ATP8B4: variants seen among roughly 807,000 people sequenced by gnomAD.
The protein encoded by ATP8B4 is probable phospholipid-transporting ATPase IM.
A neutral mutation model predicts 145.6 loss-of-function variants in ATP8B4; 133 were observed. That is an observed-to-expected ratio of 0.91 (90% CI 0.79 to 1.05). The LOEUF (loss-of-function observed/expected upper bound fraction) is 1.05. Ranked by LOEUF, ATP8B4 falls within the 50% of genes least tolerant of loss-of-function variation. The probability of loss-of-function intolerance (pLI) is 0.00; values close to 1 mark genes in which losing one functional copy is unlikely to be tolerated. For missense variants in ATP8B4, 1,458 were observed against 1,425.2 expected, an observed-to-expected ratio of 1.02 and a Z score of -0.37; for synonymous variants, 507 against 492.9, an observed-to-expected ratio of 1.03 and a Z score of -0.38.
chr15:50,060,465 TC>T (rs1341839997), intron 3 of ATP8B4, among the ~76,000 whole-genome samples: 4 of 152,208 alleles, frequency 2.6e-5, no homozygotes, highest in Non-Finnish European at 4.4e-5. Context: ...GAAAAGTGAT[TC>T]CATGTTTTAT....
chr15:49,875,262 C>A (rs2034234960), intron 25 of ATP8B4, among the ~76,000 whole-genome samples: 1 of 152,122 alleles, frequency 6.6e-6, no homozygotes, highest in African/African-American at 2.4e-5. Flanking sequence ...CAGATAGTGG[C>A]CTTTTATTTC....
At chr15:50,028,632 T>C (rs1411789858) in intron 6 of ATP8B4, among the ~76,000 whole-genome samples, 3 of 152,174 alleles carry the variant, frequency 2.0e-5, no homozygotes, top group African/African-American at 7.2e-5. Context: ...CTGTACCATA[T>C]ACATATGATT....
At chr15:50,154,484 T>C (rs1394298406) in intron 1 of ATP8B4, among the ~76,000 whole-genome samples, 2 of 152,184 alleles carry the variant, frequency 1.3e-5, no homozygotes, top group South Asian at 2.1e-4. Flanking sequence ...TACAATTCTA[T>C]ATATACTAAT....
intron 3 of ATP8B4, 101 bp from the exon 4 acceptor site, chr15:50,047,565 GC>G (rs1405029851): frequency 1.3e-6 from 1 of 751,894 alleles, no homozygotes; most frequent in Non-Finnish European, 2.3e-6. Context: ...AGAAAGATAA[GC>G]CGGTTATCTA....
At chr15:50,084,208 T>C (rs2054744379) in intron 2 of ATP8B4, among the ~76,000 whole-genome samples, 1 of 152,074 alleles carries the variant, frequency 6.6e-6, no homozygotes, top group African/African-American at 2.4e-5. Flanking sequence ...ACATGGACAC[T>C]AAAAGAGGAC....
intron 1 of ATP8B4, among the ~76,000 whole-genome samples, chr15:50,131,401 T>C (rs2044044335): frequency 6.6e-6 from 1 of 152,198 alleles, no homozygotes; most frequent in Admixed American, 6.5e-5. Context: ...TTCACAAAGC[T>C]GCAGAGCTAG....
chr15:49,873,507 G>A (rs2033948970), intron 25 of ATP8B4, among the ~76,000 whole-genome samples: 1 of 152,056 alleles, frequency 6.6e-6, no homozygotes. Context: ...ACAAAGTTAA[G>A]TGAAAAAATA....
At position 49,879,104 on chromosome 15, in the gene ATP8B4, C is replaced by A. The variant is rs557362453; in HGVS notation, c.2781+272G>T. On this transcript the variant is annotated intron_variant, in intron 24 of 27. Transcript: ENST00000284509. ...ATGAAGTTAAAGAGATTACTTCGTACAGGACTTCTAGAGCCTTTAGAGCAA... is the reference window on the plus strand; with the variant it reads ...ATGAAGTTAAAGAGATTACTTCGTAAAGGACTTCTAGAGCCTTTAGAGCAA... Among the ~76,000 whole-genome samples the A allele has an allele frequency of 1.1e-4, 16 of 152,336 alleles. No individual in the cohort carries two copies. The South Asian group carries it at 1.2e-3, about 12-fold the overall frequency.
At chr15:49,983,967 C>T (rs1285732037) in intron 10 of ATP8B4, among the ~76,000 whole-genome samples, 1 of 152,230 alleles carries the variant, frequency 6.6e-6, no homozygotes, top group Non-Finnish European at 1.5e-5. Context: ...GAAGGTACTG[C>T]ATTTGTTTTT....
At chr15:49,971,234 C>T (rs1462839271) in intron 13 of ATP8B4, among the ~76,000 whole-genome samples, 3 of 152,116 alleles carry the variant, frequency 2.0e-5, no homozygotes, top group Non-Finnish European at 2.9e-5. Flanking sequence ...ACTAAAACAC[C>T]AAAAGCAATG....
intron 1 of ATP8B4, among the ~76,000 whole-genome samples, chr15:50,171,571 G>C (rs2140868124): frequency 6.6e-6 from 1 of 152,250 alleles, no homozygotes. Flanking sequence ...TAAGAGGAAA[G>C]TTCATACCCC....
At chr15:49,975,876 C>A (rs1298912343) in intron 12 of ATP8B4, among the ~76,000 whole-genome samples, 1 of 151,998 alleles carries the variant, frequency 6.6e-6, no homozygotes, top group Non-Finnish European at 1.5e-5. Flanking sequence ...TTGTAATTTA[C>A]AAGGATATCC....
chr15:49,955,524 A>T (rs2043482957), intron 14 of ATP8B4, among the ~76,000 whole-genome samples: 1 of 152,202 alleles, frequency 6.6e-6, no homozygotes, highest in African/African-American at 2.4e-5. Context: ...GCAATCTCTT[A>T]TATGTCCAAA....
At chr15:50,004,363 C>A (rs2048147178) in intron 7 of ATP8B4, among the ~76,000 whole-genome samples, 1 of 152,126 alleles carries the variant, frequency 6.6e-6, no homozygotes, top group Non-Finnish European at 1.5e-5. Context: ...CAGAAAAAGC[C>A]CTGCTCATCC....
At position 50,047,463 on chromosome 15, in the gene ATP8B4, T is replaced by A; in HGVS notation, c.89A>T (p.Asp30Val). 1 of 1,533,386 alleles carries A rather than the reference T, an allele frequency of 6.5e-7. No homozygotes were observed. Among genetic ancestry groups the A allele is most frequent in the Non-Finnish European group, 9.0e-7 (1 of 1,106,818 alleles). 95.0% of individuals were successfully genotyped at this position (1,533,386 alleles called of 1,614,324 possible). ...ATATTTCGATGTGTGGATACGATTA[T>A]CCTGGAAAAGAAATAGCATCATGTT... The part of the protein sequence containing the change: ...REYNEKFQYA[D>V]NRIHTSKYNI... Residue 30 changes from aspartate (D) to valine (V), a missense_variant and splice_region_variant, in exon 4 of 28, where the codon GAT (aspartate) becomes GTT (valine). By Grantham distance (152) the Asp-to-Val change is radical. Transcript: ENST00000284509.
At chr15:49,965,940 G>A (rs369672731) in intron 13 of ATP8B4, among the ~76,000 whole-genome samples, 3 of 152,270 alleles carry the variant, frequency 2.0e-5, no homozygotes, top group African/African-American at 2.4e-5. Context: ...CATTGGGACT[G>A]GTTAGACAGT....
intron 25 of ATP8B4, among the ~76,000 whole-genome samples, chr15:49,868,048 A>T (rs1192536587): frequency 6.6e-6 from 1 of 152,216 alleles, no homozygotes; most frequent in Non-Finnish European, 1.5e-5. Flanking sequence ...AAAGAGAAAA[A>T]GGAATAAATA....
intron 19 of ATP8B4, among the ~76,000 whole-genome samples, chr15:49,917,429 A>G (rs1424956413): frequency 6.6e-6 from 1 of 152,206 alleles, no homozygotes; most frequent in East Asian, 1.9e-4. Flanking sequence ...AAACTTAGCC[A>G]ATATTTAATT....
chr15:50,003,426 C>T lies in ATP8B4; in HGVS notation c.436-1203G>A, dbSNP rs184308842. 1.3e-3 allele frequency among the ~76,000 whole-genome samples: 199 copies of T among 152,004 alleles called. 1 individual carries two copies. Among genetic ancestry groups the T allele is most frequent in the African/African-American group, 4.4e-3 (183 of 41,458 alleles). On this transcript the variant is annotated intron_variant, in intron 7 of 27. Transcript: ENST00000284509. ...TCTTACACAACTCTGAATCAAAGAG[C>T]CACAGAAGCTTGTTGAGGCAGAAAT...
Sources: gnomAD v4.1 joint callset for allele counts (sites outside exome capture counted in the v4.1 genomes callset) on GRCh38, gnomAD v4.1.1 for gene constraint, MANE v1.5 for transcripts, NCBI Gene and HGNC (gene_info 2026-07-23, HGNC 2026-07-21) for gene names.